SLC38A2: variants seen among roughly 807,000 people sequenced by gnomAD.
SLC38A2 encodes the protein sodium-coupled neutral amino acid symporter 2.
A neutral mutation model predicts 61.5 loss-of-function variants in SLC38A2; 11 were observed. The observed-to-expected ratio is 0.18, with a 90% confidence interval of 0.11 to 0.30. The LOEUF (loss-of-function observed/expected upper bound fraction) is 0.30. Ranked by LOEUF, SLC38A2 falls within the 10% of genes least tolerant of loss-of-function variation. The pLI, the probability that SLC38A2 is intolerant of heterozygous loss-of-function variation, is 1.00. For missense variants in SLC38A2, 522 were observed against 600.4 expected (o/e 0.87, Z 1.36); for synonymous variants, 217 against 212.5 (o/e 1.02, Z -0.18).
intron 8 of SLC38A2, 40 bp downstream of exon 8, chr12:46,365,067 G>A: frequency 6.6e-7 from 1 of 1,513,160 alleles, no homozygotes; most frequent in Non-Finnish European, 9.1e-7. Flanking sequence ...TAACTGGTGA[G>A]AGGCTCATTT....
intron 2 of SLC38A2, 117 bp downstream of exon 2, chr12:46,371,061 T>C: frequency 2.1e-6 from 2 of 963,234 alleles, no homozygotes; most frequent in Non-Finnish European, 3.3e-6. Context: ...CTTTCAGAGA[T>C]TACGCACCTT....
At chr12:46,362,759 T>C in intron 13 of SLC38A2, 121 bp from the exon 14 acceptor site, 1 of 1,137,420 alleles carries the variant, frequency 8.8e-7, no homozygotes, top group Non-Finnish European at 1.2e-6. Flanking sequence ...ATAGTAACTA[T>C]TTCTAAATAA....
At chr12:46,371,106 CAG>C in intron 2 of SLC38A2, 70 bp downstream of exon 2, 1 of 1,228,624 alleles carries the variant, frequency 8.1e-7, no homozygotes, top group African/African-American at 1.5e-5. Context: ...GCAATGGAAG[CAG>C]AGTCCTAGGT....
chr12:46,364,775 G>T, intron 8 of SLC38A2, 73 bp from the exon 9 acceptor site: 1 of 1,432,666 alleles, frequency 7.0e-7, no homozygotes, highest in Non-Finnish European at 9.6e-7. Context: ...TTTTCCCACT[G>T]AATAACTCAA....
Position 46,359,168 on chromosome 12 carries a change from C to T in SLC38A2, c.*1943G>A, listed in dbSNP as rs922116706. 6.6e-6 allele frequency: 1 copy of T among 152,270 alleles called. No individual in the cohort carries two copies. Among genetic ancestry groups the T allele is most frequent in the Non-Finnish European group, 1.5e-5 (1 of 68,002 alleles). 9.4% of individuals were successfully genotyped at this position (152,270 alleles called of 1,614,324 possible). On this transcript the variant is annotated 3_prime_UTR_variant, in exon 16 of 16. Transcript: ENST00000256689. ...TTAGATACAAAGTCAGCAACTCTTT[C>T]CAGGAGCTCATGCAAATTTGCCAAT...
chr12:46,371,244 C>G lies in SLC38A2; in HGVS notation c.50G>C (p.Ser17Thr), dbSNP rs533959610. The G allele has an allele frequency of 2.5e-6, 4 of 1,614,262 alleles. No homozygotes were observed. In the African/African-American group the frequency reaches 4.0e-5, roughly 16 times the overall value. ...GRFSISPDED[S>T]SSYSSNSDFN... ...GTCGCTGTTGGAACTGTAGCTGCTG[C>G]TGTCTTCATCCGGGGAAATACTGAA... Residue 17 changes from serine (S) to threonine (T), a missense_variant, in exon 2 of 16, where the codon AGC (serine) becomes ACC (threonine). Physicochemically the swap from Ser to Thr is moderately conservative, Grantham distance 58. Transcript: ENST00000256689.
At position 46,364,411 on chromosome 12, in the gene SLC38A2, T is replaced by C; in HGVS notation, c.851A>G (p.His284Arg). The change falls in exon 10 of 16, where the codon CAC becomes CGC. Residue 284 changes from histidine to arginine, a missense_variant. This residue lies in a region of SLC38A2 where 309 missense variants were observed against 343.9 expected (regional missense o/e 0.90). Transcript: ENST00000256689. ...TACCTGTGAGTTGAAAATAAAATAG[T>C]GAGGTCTGCAAGAGTCATTTTCAGT... ...NVTENDSCRP[H>R]YFIFNSQTVY... The C allele has an allele frequency of 6.3e-7, 1 of 1,587,392 alleles. No homozygotes were observed. Among genetic ancestry groups the C allele is most frequent in the Non-Finnish European group, 8.5e-7 (1 of 1,172,504 alleles).
At chr12:46,372,063 T>A (rs1446794360) in intron 1 of SLC38A2, among the ~76,000 whole-genome samples, 2 of 152,194 alleles carry the variant, frequency 1.3e-5, no homozygotes. Context: ...TGATGCAATA[T>A]CGATCGTCGA....
rs1293429022 is a variant in SLC38A2 at position 46,359,944 on chromosome 12, T to C, written c.*1167A>G. 6.5e-6 allele frequency: 1 copy of C among 152,672 alleles called. No individual in the cohort carries two copies. The highest frequency in any genetic ancestry group is 1.5e-5 in the Non-Finnish European group (1 of 68,028). The allele number at this position is 152,672 out of a possible 1,614,324, so 9.5% of individuals were successfully genotyped here. A position where few individuals can be genotyped will look rare whatever the true frequency, so the allele number is the denominator to read the frequency against. Reference sequence around the variant, plus strand: ...AAGAGAACTTATATCATATCAAACATAGGTGTAACCTGTGGATTAGACCTC... The same window carrying C: ...AAGAGAACTTATATCATATCAAACACAGGTGTAACCTGTGGATTAGACCTC... On this transcript the variant is annotated 3_prime_UTR_variant, in exon 16 of 16. Coordinates refer to ENST00000256689, the MANE Select transcript of SLC38A2 (RefSeq NM_018976.5).
rs1030614456 is a variant in SLC38A2 at position 46,361,322 on chromosome 12, T to C, written c.1423-113A>G. ...ACTAAAATCTATCCACTATATAATC[T>C]ATAGAAAGAATATTTAACTTGCTAA... On this transcript the variant is annotated intron_variant, in intron 15 of 15. Coordinates refer to ENST00000256689, the MANE Select transcript of SLC38A2 (RefSeq NM_018976.5). 75 of 828,466 alleles carry C rather than the reference T, an allele frequency of 9.1e-5. 1 individual carries two copies. The Admixed American group carries it at 1.4e-3, about 16-fold the overall frequency. The allele number at this position is 828,466 out of a possible 1,614,324, so 51.3% of individuals were successfully genotyped here. A position where few individuals can be genotyped will look rare whatever the true frequency, so the allele number is the denominator to read the frequency against.
rs765648856 is a variant in SLC38A2, at chr12:46,367,143, T to C, written c.414A>G (p.Gly138=). The change falls in exon 6 of 16, where the codon GGA becomes GGG. Residue 138 remains glycine (G), a synonymous_variant. Transcript: ENST00000256689. ...TTCCAACTAATCCAAATGCCTTATATCCCAATTGTTCATATAATAAAGACC... is the reference window on the plus strand; with the variant it reads ...TTCCAACTAATCCAAATGCCTTATACCCCAATTGTTCATATAATAAAGACC... ...EGGSLLYEQL[G]YKAFGLVGKL... 234 of 1,613,812 alleles carry C rather than the reference T, an allele frequency of 1.4e-4. 1 individual carries two copies. The highest frequency in any genetic ancestry group is 5.6e-5 in the Non-Finnish European group (66 of 1,179,848).
At chr12:46,364,967 A>T in intron 8 of SLC38A2, 140 bp downstream of exon 8, 1 of 830,928 alleles carries the variant, frequency 1.2e-6, no homozygotes, top group South Asian at 1.6e-5. Flanking sequence ...TTGGCTCCTA[A>T]ATTTTGCATG....
chr12:46,364,674 G>A lies in SLC38A2; in HGVS notation c.675C>T (p.Ser225=). The A allele has an allele frequency of 6.2e-7, 1 of 1,610,656 alleles. No individual in the cohort carries two copies. Residue 225 remains serine, a synonymous_variant, in exon 9 of 16, where the codon TCC becomes TCT. Transcript: ENST00000256689. ...TCAGAAAGAACACCATACACAACAA[G>A]GAAAGGCCACTGGTATATCCCAAAT... ...LGYLGYTSGL[S]LLCMVFFLIV...
At position 46,358,621 on chromosome 12, in the gene SLC38A2, G is replaced by C. The variant is rs1289755480; in HGVS notation, c.*2490C>G. ...GACAATTCTTATAGTTACATAATGT[G>C]AATTCATCAAAATGCAGTTAAGAAA... On this transcript the variant is annotated 3_prime_UTR_variant, in exon 16 of 16. Coordinates refer to ENST00000256689, the MANE Select transcript of SLC38A2 (RefSeq NM_018976.5). 1.3e-5 allele frequency: 2 copies of C among 152,280 alleles called. No individual in the cohort carries two copies. The highest frequency in any genetic ancestry group is 4.8e-5 in the African/African-American group (2 of 41,354). 9.4% of individuals were successfully genotyped at this position (152,280 alleles called of 1,614,324 possible). A position where few individuals can be genotyped will look rare whatever the true frequency, so the allele number is the denominator to read the frequency against.
At chr12:46,362,704 T>G in intron 13 of SLC38A2, 66 bp from the exon 14 acceptor site, 1 of 1,482,376 alleles carries the variant, frequency 6.7e-7, no homozygotes, top group Non-Finnish European at 9.0e-7. Flanking sequence ...AAATCCAGCT[T>G]CAATGAATGA....
In SLC38A2 at chr12:46,363,732, A is replaced by T; in HGVS notation, c.1048T>A (p.Phe350Ile). Residue 350 changes from phenylalanine to isoleucine, a missense_variant, in exon 12 of 16, where the codon TTT (phenylalanine) becomes ATT (isoleucine). Transcript: ENST00000256689. ...LLAALFGYLT[F>I]YEHVESELLH... ...TAAAGGAGGCGTTACTTACCGTAAA[A>T]TGTTAGGTATCCAAAGAGGGCGGCA... The T allele has an allele frequency of 6.4e-7, 1 of 1,564,416 alleles. No individual in the cohort carries two copies. The highest frequency in any genetic ancestry group is 8.6e-7 in the Non-Finnish European group (1 of 1,163,682).
Position 46,362,393 on chromosome 12 carries a change from C to T in SLC38A2, c.1325-12G>A, listed in dbSNP as rs1943090621. 6.2e-7 allele frequency: 1 copy of T among 1,604,844 alleles called. No homozygotes were observed. Among genetic ancestry groups the T allele is most frequent in the South Asian group, 1.1e-5 (1 of 88,966 alleles). On this transcript the variant is annotated splice_polypyrimidine_tract_variant and intron_variant, in intron 14 of 15. Coordinates refer to ENST00000256689, the MANE Select transcript of SLC38A2 (RefSeq NM_018976.5). ...AGCTGCAGATGCACCTGTAAAACAA[C>T]ATTTATGTTTCTTGAGGATTCAATG...
chr12:46,367,225 T>C, intron 5 of SLC38A2, 42 bp downstream of exon 5: 1 of 1,574,878 alleles, frequency 6.3e-7, no homozygotes, highest in Non-Finnish European at 8.7e-7. Flanking sequence ...AATAAAATGA[T>C]AGGTATACAT....
rs1240807166 is a variant in SLC38A2 at position 46,358,433 on chromosome 12, ATTCC to A, written c.*2674_*2677del. 2.6e-5 allele frequency: 4 copies of A among 152,672 alleles called. No individual in the cohort carries two copies. The highest frequency in any genetic ancestry group is 5.9e-5 in the Non-Finnish European group (4 of 68,034). The allele number at this position is 152,672 out of a possible 1,614,324, so 9.5% of individuals were successfully genotyped here. On this transcript the variant is annotated 3_prime_UTR_variant, in exon 16 of 16. Transcript: ENST00000256689. ...TTTGATTACTGCATTTTGAAAATGT[ATTCC>A]TTATTTAAATTTTAAATAAGAGATC... is the stretch of plus-strand genomic sequence containing the variant.
Sources: gnomAD v4.1 joint callset for allele counts (sites outside exome capture counted in the v4.1 genomes callset) on GRCh38, gnomAD v4.1.1 for gene constraint, gnomAD v4.1.1 regional missense constraint, MANE v1.5 for transcripts, NCBI Gene and HGNC (gene_info 2026-07-23, HGNC 2026-07-21) for gene names.